ZNF675: variants seen among roughly 807,000 people sequenced by gnomAD.
The protein encoded by ZNF675 is zinc finger protein 675, also known as TRAF6 inhibitory zinc finger.
In ZNF675, 36 loss-of-function variants were observed where a neutral mutation model predicts 56.1. That is an observed-to-expected ratio of 0.64 (90% CI 0.49 to 0.85). The LOEUF is 0.85. Ranked by LOEUF, ZNF675 falls within the 40% of genes least tolerant of loss-of-function variation. ZNF675 has a pLI of 0.00. For missense variants in ZNF675, 663 were observed against 654.2 expected, an observed-to-expected ratio of 1.01 and a Z score of -0.15; for synonymous variants, 200 against 218.9, an observed-to-expected ratio of 0.91 and a Z score of 0.76.
rs1967955653 is a variant in ZNF675 at position 23,654,473 on chromosome 19, T to G, written c.460A>C (p.Asn154His). 1.2e-6 allele frequency: 2 copies of G among 1,601,960 alleles called. No individual in the cohort carries two copies. Among genetic ancestry groups the G allele is most frequent in the Non-Finnish European group, 1.7e-6 (2 of 1,175,448 alleles). ...FQCDKYVKVF[N>H]KFSHSDRHKI... is the part of the protein sequence containing the mutation. ...TGTCTATCTGAATGTGAAAATTTAT[T>G]AAAGACTTTCACATATTTATCACAT... The change falls in exon 4 of 4, where the codon AAT (asparagine) becomes CAT (histidine). Residue 154 changes from asparagine (N) to histidine (H), a missense_variant. By Grantham distance (68) the Asn-to-His change is moderately conservative. This residue lies in a region of ZNF675 where 617 missense variants were observed against 590.5 expected (regional missense o/e 1.04). Transcript: ENST00000359788.
At chr19:23,682,695 CAAG>C (rs1968392358) in intron 1 of ZNF675, among the ~76,000 whole-genome samples, 1 of 151,512 alleles carries the variant, frequency 6.6e-6, no homozygotes, top group African/African-American at 2.4e-5. Flanking sequence ...TAGATGGGCT[CAAG>C]CTTTAATTTT....
intron 3 of ZNF675, among the ~76,000 whole-genome samples, chr19:23,657,298 T>A (rs1443362501): frequency 6.6e-6 from 1 of 152,172 alleles, no homozygotes; most frequent in Non-Finnish European, 1.5e-5. Flanking sequence ...TACAATTAAA[T>A]TTTTTAAAAG....
chr19:23,662,876 T>C (rs1029961891), intron 2 of ZNF675, among the ~76,000 whole-genome samples, 156 bp downstream of exon 2: 4 of 152,034 alleles, frequency 2.6e-5, no homozygotes, highest in South Asian at 2.1e-4. Flanking sequence ...CCCAGCTACT[T>C]GGAAGGCTGA....
chr19:23,660,143 A>G (rs1568289608), intron 3 of ZNF675, among the ~76,000 whole-genome samples: 2 of 152,194 alleles, frequency 1.3e-5, no homozygotes, highest in Non-Finnish European at 2.9e-5. Context: ...GGACAAGCCA[A>G]CTAAAGGCAG....
Position 23,653,293 on chromosome 19 carries a change from T to C in ZNF675, c.1640A>G (p.Gln547Arg), listed in dbSNP as rs201114122. The C allele has an allele frequency of 2.5e-5, 41 of 1,613,342 alleles. No homozygotes were observed. Among genetic ancestry groups the C allele is most frequent in the Non-Finnish European group, 3.5e-5 (41 of 1,179,732 alleles). Residue 547 changes from glutamine to arginine, a missense_variant, in exon 4 of 4, where the codon CAA becomes CGA. Gln to Arg is a conservative substitution (Grantham distance 43, BLOSUM62 1). This residue lies in a region of ZNF675 where 617 missense variants were observed against 590.5 expected (regional missense o/e 1.04). Transcript: ENST00000359788. ...KCERCDKAFN[Q>R]SANLTKHKKI... ...TTTATGTTTAGTAAGGTTTGCAGAT[T>C]GGTTAAAAGCTTTGTCACATCTCTC...
At chr19:23,672,155 ATTAG>A (rs1311454502) in intron 1 of ZNF675, among the ~76,000 whole-genome samples, 1 of 127,354 alleles carries the variant, frequency 7.9e-6, no homozygotes, top group Non-Finnish European at 1.6e-5. Flanking sequence ...GCATGTCCTG[ATTAG>A]TTAGCTCTTG....
At chr19:23,662,042 GA>G in intron 3 of ZNF675, 71 bp downstream of exon 3, 1 of 1,106,354 alleles carries the variant, frequency 9.0e-7, no homozygotes, top group Non-Finnish European at 1.4e-6. Flanking sequence ...ACATTTTAAG[GA>G]CTGGCTTTCT....
chr19:23,653,941 T>C lies in ZNF675; in HGVS notation c.992A>G (p.Lys331Arg), dbSNP rs756545211. The C allele has an allele frequency of 6.2e-6, 10 of 1,613,406 alleles. No individual in the cohort carries two copies. The highest frequency in any genetic ancestry group is 1.6e-4 in the Middle Eastern group (1 of 6,082). The change falls in exon 4 of 4, where the codon AAG becomes AGG. Residue 331 changes from lysine (K) to arginine (R), a missense_variant. Lys to Arg is a conservative substitution (Grantham distance 26). This residue lies in a region of ZNF675 where 617 missense variants were observed against 590.5 expected (regional missense o/e 1.04). Transcript: ENST00000359788. ...FTQSSTLTTHKRIHTGEKPYK... is the reference protein window; with the variant it reads ...FTQSSTLTTHRRIHTGEKPYK... Reference sequence around the variant, plus strand: ...GGGTTTTTCTCCAGTATGAATTCTCTTATGTGTAGTAAGGGTTGAGGATTG... The same window carrying C: ...GGGTTTTTCTCCAGTATGAATTCTCCTATGTGTAGTAAGGGTTGAGGATTG...
chr19:23,659,313 T>C (rs1968045556), intron 3 of ZNF675, among the ~76,000 whole-genome samples: 1 of 152,110 alleles, frequency 6.6e-6, no homozygotes, highest in African/African-American at 2.4e-5. Flanking sequence ...TAAAAATGTA[T>C]AGCAGGAGTG....
chr19:23,658,760 C>CA (rs36175887), intron 3 of ZNF675: 2 of 8,268 alleles, frequency 2.4e-4, no homozygotes, highest in African/African-American at 3.1e-4. Context: ...ACTTTAGAAG[C>CA]AAAAAAATAG....
chr19:23,663,130 A>G lies in ZNF675; in HGVS notation c.32T>C (p.Ile11Thr), dbSNP rs1968103238. The G allele has an allele frequency of 6.2e-7, 1 of 1,610,192 alleles. No individual in the cohort carries two copies. Among genetic ancestry groups the G allele is most frequent in the East Asian group, 2.2e-5 (1 of 44,696 alleles). Residue 11 changes from isoleucine (I) to threonine (T), a missense_variant, in exon 2 of 4, where the codon ATA becomes ACA. Coordinates refer to ENST00000359788, the MANE Select transcript of ZNF675 (RefSeq NM_138330.3). Reference sequence around the variant, plus strand: ...TTGCCATTCTTCCAGAGAGAATTCTATGGCCACATCCCTAAATGTCAACAG... The same window carrying G: ...TTGCCATTCTTCCAGAGAGAATTCTGTGGCCACATCCCTAAATGTCAACAG... MGLLTFRDVA[I>T]EFSLEEWQCL...
At chr19:23,658,980 G>T (rs9676867) in intron 3 of ZNF675, among the ~76,000 whole-genome samples, 123,839 of 127,432 alleles carry the variant, frequency 0.97, 60,329 homozygotes, top group Middle Eastern at 1. Flanking sequence ...TATAGATCTA[G>T]AGATAGAGAT....
At position 23,653,206 on chromosome 19, in the gene ZNF675, AGGT is replaced by A. The variant is rs761453646; in HGVS notation, c.*17_*19del. ...TTTCCTTTATATTTAGAAAAATTTG[AGGT>A]GTTGTCAAAATCATTATCACACATT... On this transcript the variant is annotated 3_prime_UTR_variant, in exon 4 of 4. Coordinates refer to ENST00000359788, the MANE Select transcript of ZNF675 (RefSeq NM_138330.3). The A allele has an allele frequency of 1.9e-6, 3 of 1,540,910 alleles. No individual in the cohort carries two copies. The highest frequency in any genetic ancestry group is 1.3e-5 in the South Asian group (1 of 78,126).
Position 23,687,055 on chromosome 19 carries a change from T to G in ZNF675, c.-22A>C, listed in dbSNP as rs1968453385. ...CCATTTCTAGGCTTCCAGGGGGTCC[T>G]GGAGTCTTAGCTGTGGATCTCTCAA... On this transcript the variant is annotated 5_prime_UTR_variant, in exon 1 of 4. Transcript: ENST00000359788. 6.2e-7 allele frequency: 1 copy of G among 1,613,272 alleles called. No homozygotes were observed. Among genetic ancestry groups the G allele is most frequent in the African/African-American group, 1.3e-5 (1 of 74,866 alleles).
chr19:23,653,809 T>C lies in ZNF675; in HGVS notation c.1124A>G (p.Lys375Arg). 1.9e-6 allele frequency: 3 copies of C among 1,613,886 alleles called. No individual in the cohort carries two copies. The highest frequency in any genetic ancestry group is 2.5e-6 in the Non-Finnish European group (3 of 1,179,908). ...EQPYKCEECG[K>R]AFNRSSNLTE... ...AAGATTTGAGGATCGGTTAAAAGCT[T>C]TGCCGCATTCCTCACATTTGTAGGG... The change falls in exon 4 of 4, where the codon AAA becomes AGA. Residue 375 changes from lysine to arginine, a missense_variant. Lys to Arg is a conservative substitution (Grantham distance 26). This residue lies in a region of ZNF675 where 617 missense variants were observed against 590.5 expected (regional missense o/e 1.04). Transcript: ENST00000359788.
At chr19:23,664,875 T>A (rs185960662) in intron 1 of ZNF675, among the ~76,000 whole-genome samples, 1 of 151,878 alleles carries the variant, frequency 6.6e-6, no homozygotes. Flanking sequence ...CGTTTAAACC[T>A]GGCAGGCGAA....
chr19:23,684,243 C>T (rs1968414270), intron 1 of ZNF675, among the ~76,000 whole-genome samples: 2 of 143,262 alleles, frequency 1.4e-5, no homozygotes, highest in Middle Eastern at 7.4e-3. Context: ...GCCTGGGCAA[C>T]AAATCGAGAC....
At chr19:23,659,300 G>A (rs1968045412) in intron 3 of ZNF675, among the ~76,000 whole-genome samples, 1 of 151,982 alleles carries the variant, frequency 6.6e-6, no homozygotes, top group African/African-American at 2.4e-5. Context: ...AGAAAATGGA[G>A]AATAAAAATG....
rs1568290311 is a variant in ZNF675, at chr19:23,662,187, G to A, written c.153C>T (p.Asp51=). 2.5e-6 allele frequency: 4 copies of A among 1,612,540 alleles called. No homozygotes were observed. The highest frequency in any genetic ancestry group is 2.2e-5 in the East Asian group (1 of 44,834). ...VFLGIAVSKQ[D]LITCLEQEKE... Reference sequence around the variant, plus strand: ...TTTCTTGCTCCAGACAGGTGATCAGGTCTTGCTTAGAGACAGCAATACCTG... The same window carrying A: ...TTTCTTGCTCCAGACAGGTGATCAGATCTTGCTTAGAGACAGCAATACCTG... Residue 51 remains aspartate, a synonymous_variant, in exon 3 of 4, where the codon GAC becomes GAT. Transcript: ENST00000359788.
Sources: gnomAD v4.1 joint callset for allele counts (sites outside exome capture counted in the v4.1 genomes callset) on GRCh38, gnomAD v4.1.1 for gene constraint, gnomAD v4.1.1 regional missense constraint, MANE v1.5 for transcripts, NCBI Gene and HGNC (gene_info 2026-07-23, HGNC 2026-07-21) for gene names.